Variants in VWA3B observed in about 807,000 individuals in gnomAD.
The protein encoded by VWA3B is von Willebrand factor A domain-containing protein 3B.
In VWA3B, 138 loss-of-function variants were observed where a neutral mutation model predicts 158.3. The ratio of observed to expected loss-of-function variants is 0.87; its 90% CI spans 0.76 to 1.00. VWA3B has a LOEUF of 1.00. Ranked by LOEUF, VWA3B falls within the 50% of genes least tolerant of loss-of-function variation. The pLI, the probability that VWA3B is intolerant of heterozygous loss-of-function variation, is 0.00. For synonymous variants in VWA3B, 596 were observed against 587.3 expected (o/e 1.01, Z -0.21); for missense variants, 1,555 against 1,565.1 (o/e 0.99, Z 0.11).
chr2:98,244,366 G>T (rs1686259546), intron 19 of VWA3B, among the ~76,000 whole-genome samples: 1 of 151,926 alleles, frequency 6.6e-6, no homozygotes, highest in African/African-American at 2.4e-5. Context: ...GTTGCTAAAT[G>T]GTATTTCAAT....
At chr2:98,268,006 T>C (rs1035890163) in intron 21 of VWA3B, among the ~76,000 whole-genome samples, 1 of 150,014 alleles carries the variant, frequency 6.7e-6, no homozygotes, top group Non-Finnish European at 1.5e-5. Context: ...ATTGAATCTC[T>C]GAGTAGACCA....
rs1688841745 is a variant in VWA3B at position 98,280,924 on chromosome 2, T to G, written c.3046-9587T>G. On this transcript the variant is annotated intron_variant, in intron 22 of 27. Transcript: ENST00000477737. ...GCAGCTCACAAGAAGACCTTGCTGC[T>G]TCTTCAGGGCTCATGCAGGAAATTC... 2.0e-5 allele frequency among the ~76,000 whole-genome samples: 3 copies of G among 152,218 alleles called. 1 individual carries two copies. Among genetic ancestry groups the G allele is most frequent in the African/African-American group, 7.2e-5 (3 of 41,464 alleles).
intron 23 of VWA3B, among the ~76,000 whole-genome samples, chr2:98,294,674 T>C (rs1313501625): frequency 1.3e-5 from 2 of 152,266 alleles, no homozygotes; most frequent in Non-Finnish European, 2.9e-5. Flanking sequence ...AGCATTTTAC[T>C]TCAGGAAATC....
intron 23 of VWA3B, among the ~76,000 whole-genome samples, chr2:98,293,960 T>G (rs1052086668): frequency 1.3e-5 from 2 of 152,084 alleles, no homozygotes; most frequent in Non-Finnish European, 2.9e-5. Flanking sequence ...CCTTTCGTAT[T>G]ATCTTTCATG....
chr2:98,117,769 T>G (rs1674641920), intron 3 of VWA3B, among the ~76,000 whole-genome samples: 3 of 129,416 alleles, frequency 2.3e-5, no homozygotes, highest in African/African-American at 9.3e-5. Flanking sequence ...TTTTTTTTTT[T>G]GATGGAGTTT....
intron 21 of VWA3B, among the ~76,000 whole-genome samples, chr2:98,266,060 T>C (rs1341423168): frequency 6.7e-6 from 1 of 149,808 alleles, no homozygotes; most frequent in African/African-American, 2.4e-5. Flanking sequence ...TAGATCCCAT[T>C]TGTCAATTTT....
At chr2:98,320,957 A>T in the VWA3B span, among the ~76,000 whole-genome samples, 1 of 152,196 alleles carries the variant, frequency 6.6e-6, no homozygotes, top group African/African-American at 2.4e-5. Context: ...CTCCCATCAC[A>T]GGCCTAGAGG....
At chr2:98,315,045 A>G (rs1293837235), downstream of VWA3B, among the ~76,000 whole-genome samples, 1 of 152,194 alleles carries the variant, frequency 6.6e-6, no homozygotes, top group Non-Finnish European at 1.5e-5. Context: ...GACACAGACA[A>G]TGAAAAGTAC....
intron 2 of VWA3B, among the ~76,000 whole-genome samples, chr2:98,096,058 A>G (rs1370459722): frequency 6.6e-6 from 1 of 152,164 alleles, no homozygotes; most frequent in Non-Finnish European, 1.5e-5. Flanking sequence ...TATGTTCATC[A>G]GGGGTATTGG....
chr2:98,277,470 G>A (rs906465087), intron 22 of VWA3B, among the ~76,000 whole-genome samples: 1 of 152,158 alleles, frequency 6.6e-6, no homozygotes, highest in Non-Finnish European at 1.5e-5. Context: ...AAATCCTTTG[G>A]CCCAGAAAGA....
At chr2:98,200,098 T>C (rs1247817437) in intron 12 of VWA3B, among the ~76,000 whole-genome samples, 5 of 152,226 alleles carry the variant, frequency 3.3e-5, no homozygotes, top group Admixed American at 3.3e-4. Context: ...TTAATTGCAT[T>C]TACTTAACAC....
intron 2 of VWA3B, among the ~76,000 whole-genome samples, chr2:98,106,723 T>C (rs1363344796): frequency 1.1e-4 from 16 of 152,252 alleles, no homozygotes; most frequent in Admixed American, 1.0e-3. Context: ...GACTGACTTT[T>C]GCATGTTAAC....
In VWA3B at chr2:98,249,724, A is replaced by G. The variant is rs867964625; in HGVS notation, c.2674-594A>G. On this transcript the variant is annotated intron_variant, in intron 19 of 27. Transcript: ENST00000477737. ...AAGCCTCATTTATTGATCACTAAGC[A>G]TTCTTTCACACGTGTAAGAATCTCT... is the stretch of plus-strand genomic sequence containing the variant. Among the ~76,000 whole-genome samples the G allele has an allele frequency of 1.4e-4, 22 of 152,288 alleles. 1 individual carries two copies. The Middle Eastern group carries it at 0.01, about 71-fold the overall frequency.
At chr2:98,092,175 T>A (rs1294930374) in intron 1 of VWA3B, among the ~76,000 whole-genome samples, 1 of 152,192 alleles carries the variant, frequency 6.6e-6, no homozygotes, top group Non-Finnish European at 1.5e-5. Context: ...CAGCTCCCAA[T>A]TAGCCACTAC....
rs753224124 is a variant in VWA3B at position 98,217,808 on chromosome 2, C to T, written c.1837-38C>T. ...TATTCTTTTCTTTCTCTTCTCTTTCCATCTCCCTTCCCCCATCCCCAAAAC... is the reference window on the plus strand; with the variant it reads ...TATTCTTTTCTTTCTCTTCTCTTTCTATCTCCCTTCCCCCATCCCCAAAAC... On this transcript the variant is annotated intron_variant, in intron 13 of 27. Transcript: ENST00000477737. 4 of 1,507,766 alleles carry T rather than the reference C, an allele frequency of 2.7e-6. No homozygotes were observed. In the Admixed American group the frequency reaches 9.1e-5, roughly 34 times the overall value. 93.4% of individuals were successfully genotyped at this position (1,507,766 alleles called of 1,614,324 possible). A position where few individuals can be genotyped will look rare whatever the true frequency, so the allele number is the denominator to read the frequency against.
At chr2:98,265,097 G>T (rs1175910891) in intron 21 of VWA3B, among the ~76,000 whole-genome samples, 1 of 151,012 alleles carries the variant, frequency 6.6e-6, no homozygotes, top group Non-Finnish European at 1.5e-5. Context: ...CATTGTACAG[G>T]TTAGTTACAT....
chr2:98,113,712 C>A (rs1674318734), intron 2 of VWA3B, among the ~76,000 whole-genome samples: 1 of 152,182 alleles, frequency 6.6e-6, no homozygotes, highest in South Asian at 2.1e-4. Flanking sequence ...CCTAAACTTT[C>A]TCTATAGATT....
intron 25 of VWA3B, 126 bp downstream of exon 25, chr2:98,300,342 T>G (rs1212324816): frequency 5.0e-6 from 7 of 1,403,636 alleles, no homozygotes; most frequent in Non-Finnish European, 6.8e-6. Context: ...CCACTCCCTG[T>G]GTTTTGGCTT....
At chr2:98,304,305 G>C (rs944946782) in intron 26 of VWA3B, among the ~76,000 whole-genome samples, 5 of 152,138 alleles carry the variant, frequency 3.3e-5, no homozygotes, top group Non-Finnish European at 7.4e-5. Flanking sequence ...AAGGCAAAAG[G>C]AAAGGGGGAG....
Sources: allele counts gnomAD v4.1 joint callset (sites outside exome capture counted in the v4.1 genomes callset), GRCh38; gene constraint gnomAD v4.1.1; transcripts MANE v1.5; gene names NCBI Gene and HGNC (gene_info 2026-07-23, HGNC 2026-07-21).